Variants in ATL3 observed in about 807,000 individuals in gnomAD.
The protein encoded by ATL3 is atlastin-3.
In ATL3, 49 loss-of-function variants were observed where a neutral mutation model predicts 69.5. That is an observed-to-expected ratio of 0.71 (90% CI 0.56 to 0.89). ATL3 has a LOEUF of 0.89. Ranked by LOEUF, ATL3 falls within the 40% of genes least tolerant of loss-of-function variation. The pLI, the probability that ATL3 is intolerant of heterozygous loss-of-function variation, is 0.00. For missense variants in ATL3, 606 were observed against 645.7 expected, an observed-to-expected ratio of 0.94 and a Z score of 0.67; for synonymous variants, 214 against 224.1, an observed-to-expected ratio of 0.95 and a Z score of 0.40.
Position 63,631,163 on chromosome 11 carries a change from C to G in ATL3, c.1416G>C (p.Leu472Phe). Residue 472 changes from leucine to phenylalanine, a missense_variant, in exon 12 of 13, where the codon TTG (leucine) becomes TTC (phenylalanine). Coordinates refer to ENST00000398868, the MANE Select transcript of ATL3 (RefSeq NM_015459.5). ...GFIGLEVVAQ[L>F]FNCMVGLLLI... Reference sequence around the variant, plus strand: ...ACAGTAGTCCAACCATACAGTTGAACAACTGGGCTACAACCTCAAGACCTA... The same window carrying G: ...ACAGTAGTCCAACCATACAGTTGAAGAACTGGGCTACAACCTCAAGACCTA... The G allele has an allele frequency of 6.2e-7, 1 of 1,614,208 alleles. No homozygotes were observed. Among genetic ancestry groups the G allele is most frequent in the Non-Finnish European group, 8.5e-7 (1 of 1,180,044 alleles).
At chr11:63,655,541 G>C (rs555178567) in intron 3 of ATL3, among the ~76,000 whole-genome samples, 1 of 149,686 alleles carries the variant, frequency 6.7e-6, no homozygotes, top group Non-Finnish European at 1.5e-5. Flanking sequence ...TCCACCTCCC[G>C]GGTTCCAGCG....
upstream of ATL3, chr11:63,671,519 G>C: frequency 7.0e-7 from 1 of 1,438,544 alleles, no homozygotes; most frequent in African/African-American, 1.5e-5. Context: ...GTGGCCCAAC[G>C]GACAGCCCGA....
chr11:63,632,335 C>T, intron 11 of ATL3: 1 of 849,770 alleles, frequency 1.2e-6, no homozygotes, highest in South Asian at 1.3e-5. Flanking sequence ...GTGTTCTGGA[C>T]CATCAATGGA....
intron 12 of ATL3, among the ~76,000 whole-genome samples, chr11:63,630,266 A>T (rs1223077725): frequency 6.6e-6 from 1 of 151,312 alleles, no homozygotes; most frequent in Non-Finnish European, 1.5e-5. Flanking sequence ...AAAAAAAAAA[A>T]ATACAGAAAT....
chr11:63,661,681 T>C (rs1940424422), intron 1 of ATL3, among the ~76,000 whole-genome samples: 1 of 151,342 alleles, frequency 6.6e-6, no homozygotes, highest in Non-Finnish European at 1.5e-5. Flanking sequence ...CCTGAGGTTG[T>C]GAGTTCCAGA....
intron 10 of ATL3, among the ~76,000 whole-genome samples, chr11:63,633,355 A>AAAT (rs1233784853): frequency 6.6e-6 from 1 of 152,124 alleles, no homozygotes; most frequent in South Asian, 2.1e-4. Context: ...TTAAATCTCC[A>AAAT]AAATTCAAGG....
At chr11:63,670,978 T>C (rs1940751628) in intron 1 of ATL3, among the ~76,000 whole-genome samples, 1 of 152,018 alleles carries the variant, frequency 6.6e-6, no homozygotes, top group Non-Finnish European at 1.5e-5. Flanking sequence ...CACCGGCCCT[T>C]GGGCCGCCCA....
At chr11:63,668,884 GA>G (rs1185676027) in intron 1 of ATL3, among the ~76,000 whole-genome samples, 61 of 102,260 alleles carry the variant, frequency 6.0e-4, no homozygotes, top group South Asian at 7.2e-4. Context: ...GCAGAAAAAA[GA>G]AAAAAAAAAA....
intron 5 of ATL3, chr11:63,650,535 C>A (rs1435600264): frequency 6.6e-6 from 1 of 152,180 alleles, no homozygotes; most frequent in African/African-American, 2.4e-5. Flanking sequence ...ATTACTTTCT[C>A]CTCTGTAATA....
intron 10 of ATL3, among the ~76,000 whole-genome samples, chr11:63,633,727 A>G (rs79047945): frequency 0.047 from 6,001 of 128,030 alleles, 385 homozygotes; most frequent in East Asian, 0.34. Context: ...CAAAAAAAAA[A>G]AAAAAAGAAG....
chr11:63,647,809 C>T (rs536899572), intron 5 of ATL3, among the ~76,000 whole-genome samples: 1 of 152,144 alleles, frequency 6.6e-6, no homozygotes, highest in Non-Finnish European at 1.5e-5. Context: ...AGCAGAAAAG[C>T]CCTGTCAAAA....
At position 63,671,353 on chromosome 11, in the gene ATL3, A is replaced by C; in HGVS notation, c.-18T>G. 3 of 1,575,054 alleles carry C rather than the reference A, an allele frequency of 1.9e-6. No homozygotes were observed. The highest frequency in any genetic ancestry group is 8.6e-7 in the Non-Finnish European group (1 of 1,162,966). ...GACAACATGGAGCCTCCGCCTTCAAAGCAGAAGCAGCAGGGGTGCAGAGGA... is the reference window on the plus strand; with the variant it reads ...GACAACATGGAGCCTCCGCCTTCAACGCAGAAGCAGCAGGGGTGCAGAGGA... On this transcript the variant is annotated 5_prime_UTR_variant, in exon 1 of 13. Coordinates refer to ENST00000398868, the MANE Select transcript of ATL3 (RefSeq NM_015459.5).
chr11:63,668,548 A>C (rs1330897132), intron 1 of ATL3, among the ~76,000 whole-genome samples: 1 of 152,228 alleles, frequency 6.6e-6, no homozygotes, highest in Non-Finnish European at 1.5e-5. Flanking sequence ...AGGCTGAACA[A>C]AACCATATTT....
intron 8 of ATL3, among the ~76,000 whole-genome samples, chr11:63,638,259 T>C (rs1368407722): frequency 6.6e-6 from 1 of 152,196 alleles, no homozygotes; most frequent in African/African-American, 2.4e-5. Flanking sequence ...CAAAGAAGAC[T>C]GTGCCCTACA....
intron 8 of ATL3, among the ~76,000 whole-genome samples, chr11:63,640,251 A>G (rs1939652213): frequency 6.6e-6 from 1 of 151,912 alleles, no homozygotes; most frequent in Non-Finnish European, 1.5e-5. Flanking sequence ...TAATGACTGC[A>G]TTTTATTCCT....
At chr11:63,636,582 T>C (rs1590722020) in intron 8 of ATL3, among the ~76,000 whole-genome samples, 1 of 152,038 alleles carries the variant, frequency 6.6e-6, no homozygotes, top group East Asian at 1.9e-4. Flanking sequence ...CTACTAAAAA[T>C]AGAAAAACTA....
chr11:63,625,595 A>G lies in ATL3; in HGVS notation c.*3724T>C, dbSNP rs1430682804. 2.0e-5 allele frequency: 3 copies of G among 152,280 alleles called. No individual in the cohort carries two copies. Among genetic ancestry groups the G allele is most frequent in the Non-Finnish European group, 4.4e-5 (3 of 68,066 alleles). 9.4% of individuals were successfully genotyped at this position (152,280 alleles called of 1,614,324 possible). A position where few individuals can be genotyped will look rare whatever the true frequency, so the allele number is the denominator to read the frequency against. On this transcript the variant is annotated 3_prime_UTR_variant, in exon 13 of 13. Coordinates refer to ENST00000398868, the MANE Select transcript of ATL3 (RefSeq NM_015459.5). Reference sequence around the variant, plus strand: ...AGGCACCATTTTACAAGCCAAGTAGAACACTGTGTGTGATCCACTAATGAA... The same window carrying G: ...AGGCACCATTTTACAAGCCAAGTAGGACACTGTGTGTGATCCACTAATGAA...
chr11:63,653,438 C>G (rs1490895554), intron 3 of ATL3, among the ~76,000 whole-genome samples: 1 of 151,656 alleles, frequency 6.6e-6, no homozygotes, highest in African/African-American at 2.4e-5. Flanking sequence ...GTACTCCAGC[C>G]TGGGTGAGAG....
chr11:63,658,687 G>C, intron 3 of ATL3, 74 bp downstream of exon 3: 1 of 1,467,416 alleles, frequency 6.8e-7, no homozygotes, highest in Non-Finnish European at 9.1e-7. Flanking sequence ...TTTTAATTGG[G>C]TTAACACAGT....
Sources: gnomAD v4.1 joint callset for allele counts (sites outside exome capture counted in the v4.1 genomes callset) on GRCh38, gnomAD v4.1.1 for gene constraint, MANE v1.5 for transcripts, NCBI Gene and HGNC (gene_info 2026-07-23, HGNC 2026-07-21) for gene names.